Variants in ENGASE observed in about 807,000 individuals in gnomAD.
The protein encoded by ENGASE is endo-beta-N-acetylglucosaminidase.
Under a neutral mutation model 78.5 loss-of-function variants are expected in ENGASE, and 69 were observed. The observed-to-expected ratio is 0.88, with a 90% CI of 0.72 to 1.07. The LOEUF is 1.07. Ranked by LOEUF, ENGASE falls within the 50% of genes least tolerant of loss-of-function variation. The probability of loss-of-function intolerance (pLI) is 0.00; values close to 1 mark genes in which losing one functional copy is unlikely to be tolerated. For synonymous variants in ENGASE, 408 were observed against 408.9 expected (o/e 1.00, Z 0.03); for missense variants, 943 against 988.4 (o/e 0.95, Z 0.62).
chr17:79,086,933 C>T lies in ENGASE; in HGVS notation c.*584C>T, dbSNP rs369297867. On this transcript the variant is annotated 3_prime_UTR_variant, in exon 14 of 14. Coordinates refer to ENST00000579016, the MANE Select transcript of ENGASE (RefSeq NM_001042573.3). ...TGAGGAGTGGGCATTCTGGGCCAGC[C>T]GGCGCTGGCTTCGTGCCTCCACGTG... 15 of 471,292 alleles carry T rather than the reference C, an allele frequency of 3.2e-5. No individual in the cohort carries two copies. The highest frequency in any genetic ancestry group is 3.8e-5 in the Non-Finnish European group (9 of 235,950). The allele number at this position is 471,292 out of a possible 1,614,324, so 29.2% of individuals were successfully genotyped here.
chr17:79,081,403 G>A (rs1267374859), intron 6 of ENGASE, among the ~76,000 whole-genome samples: 4 of 152,172 alleles, frequency 2.6e-5, no homozygotes, highest in African/African-American at 9.7e-5. Context: ...TCGGGAGGCT[G>A]AGGCAGGAGA....
At position 79,080,208 on chromosome 17, in the gene ENGASE, G is replaced by A. The variant is rs772272593; in HGVS notation, c.567G>A (p.Gly189=). The change falls in exon 5 of 14, where the codon GGG becomes GGA. Residue 189 remains glycine (G), a splice_region_variant and synonymous_variant. Transcript: ENST00000579016. ...TAHRHGVCVL[G]TFITEWNEGG... ...CTTGTTTCTCTCCTATCCTCACAGG[G>A]ACTTTCATCACGGAGTGGAATGAAG... 2 of 1,594,930 alleles carry A rather than the reference G, an allele frequency of 1.3e-6. No homozygotes were observed. The highest frequency in any genetic ancestry group is 2.3e-5 in the East Asian group (1 of 44,298).
In ENGASE at chr17:79,086,373, T is replaced by C. The variant is rs769651512; in HGVS notation, c.*24T>C. 2 of 1,593,038 alleles carry C rather than the reference T, an allele frequency of 1.3e-6. No individual in the cohort carries two copies. Among genetic ancestry groups the C allele is most frequent in the South Asian group, 2.3e-5 (2 of 88,736 alleles). On this transcript the variant is annotated 3_prime_UTR_variant, in exon 14 of 14. Coordinates refer to ENST00000579016, the MANE Select transcript of ENGASE (RefSeq NM_001042573.3). ...GAGCGGATGCTAAGGCCGGGTGGTCTCCTGGCCTCGGGCTGAGGCCTCTTC... is the reference window on the plus strand; with the variant it reads ...GAGCGGATGCTAAGGCCGGGTGGTCCCCTGGCCTCGGGCTGAGGCCTCTTC...
At chr17:79,075,155 G>A (rs1222751847) in intron 1 of ENGASE, 65 bp downstream of exon 1, 2 of 1,194,964 alleles carry the variant, frequency 1.7e-6, no homozygotes, top group African/African-American at 1.6e-5. Context: ...CCCGGGGCCC[G>A]AGGTTTCCCG....
At position 79,076,923 on chromosome 17, in the gene ENGASE, AGTGTAGTG is replaced by A. The variant is rs567628418; in HGVS notation, c.147-505_147-498del. 7.3e-4 allele frequency among the ~76,000 whole-genome samples: 111 copies of A among 152,064 alleles called. 1 individual carries two copies. Among genetic ancestry groups the A allele is most frequent in the African/African-American group, 2.7e-3 (110 of 41,462 alleles). On this transcript the variant is annotated intron_variant, in intron 1 of 13. Coordinates refer to ENST00000579016, the MANE Select transcript of ENGASE (RefSeq NM_001042573.3). ...AGTCTCGTTCTGTTGCCCAAGTTGG[AGTGTAGTG>A]GCACAGTCCCGGCTCACTGCAACCT...
Position 79,086,611 on chromosome 17 carries a change from G to C in ENGASE, c.*262G>C. On this transcript the variant is annotated 3_prime_UTR_variant, in exon 14 of 14. Transcript: ENST00000579016. ...CTGTTTCTGCCTTGTCCCTCCCCAC[G>C]GTACCTGGTTCCCAGGTGAAAATGA... The C allele has an allele frequency of 1.8e-6, 1 of 559,636 alleles. No homozygotes were observed. Among genetic ancestry groups the C allele is most frequent in the Non-Finnish European group, 3.2e-6 (1 of 313,070 alleles). 34.7% of individuals were successfully genotyped at this position (559,636 alleles called of 1,614,324 possible).
rs1568094332 is a variant in ENGASE at position 79,085,295 on chromosome 17, ATGGG to A, written c.1658_1661del (p.Val553AlafsTer7). ...GGGTGCCCCCCACCAAGCTGGCCAG[ATGGG>A]TGGGCCGCTGCGGCCGGCAGCTGAG... is the stretch of plus-strand genomic sequence containing the variant. On this transcript the variant is annotated frameshift_variant, in exon 12 of 14. Transcript: ENST00000579016. LOFTEE classifies it high-confidence loss of function. 1.2e-6 allele frequency: 2 copies of A among 1,613,152 alleles called. No homozygotes were observed. Among genetic ancestry groups the A allele is most frequent in the Non-Finnish European group, 1.7e-6 (2 of 1,179,858 alleles).
intron 1 of ENGASE, chr17:79,075,698 A>C: frequency 4.1e-6 from 4 of 985,436 alleles, no homozygotes; most frequent in Non-Finnish European, 4.8e-6. Flanking sequence ...CAGGGGGAGA[A>C]GTTAGGAGCA....
chr17:79,077,676 C>A lies in ENGASE; in HGVS notation c.228C>A (p.Asp76Glu). The change falls in exon 3 of 14, where the codon GAC (aspartate) becomes GAA (glutamate). Residue 76 changes from aspartate to glutamate, a missense_variant. Physicochemically the swap from Asp to Glu is conservative, Grantham distance 45. Coordinates refer to ENST00000579016, the MANE Select transcript of ENGASE (RefSeq NM_001042573.3). The stretch of plus-strand genomic sequence containing the variant: ...TCCTCGGACCAGTTAGATATTATGA[C>A]AAGGACACCACCAAACCAATCAGCT... ...SPDPLPVRYYDKDTTKPISFY... is the reference protein window; with the variant it reads ...SPDPLPVRYYEKDTTKPISFY... 1 of 1,614,224 alleles carries A rather than the reference C, an allele frequency of 6.2e-7. No homozygotes were observed.
Position 79,084,604 on chromosome 17 carries a change from G to A in ENGASE, c.1509G>A (p.Gly503=). ...IYLSMVYKLE[G]PTDVTVALEL... ...TGTCCATGGTGTATAAGCTTGAGGG[G>A]CCCACGGACGTCACAGTTGCTTTGG... The change falls in exon 11 of 14, where the codon GGG becomes GGA. Residue 503 remains glycine, a synonymous_variant. Transcript: ENST00000579016. The A allele has an allele frequency of 6.2e-7, 1 of 1,611,538 alleles. No homozygotes were observed. The highest frequency in any genetic ancestry group is 1.1e-5 in the South Asian group (1 of 90,698).
chr17:79,083,585 G>T lies in ENGASE; in HGVS notation c.1246G>T (p.Gly416Cys). ...CATGGGTGCACGGAGGGTCTGCTAT[G>T]GCCAGGTGGGTGGGTGTCTTCCCTC... ...LGMGARRVCYGQEEAVGPWYH... is the reference protein window; with the variant it reads ...LGMGARRVCYCQEEAVGPWYH... Residue 416 changes from glycine to cysteine, a missense_variant, in exon 9 of 14, where the codon GGC becomes TGC. Coordinates refer to ENST00000579016, the MANE Select transcript of ENGASE (RefSeq NM_001042573.3). The surrounding 1 kb of genome is among the most constrained non-coding windows in gnomAD (Gnocchi z 4.9). The T allele has an allele frequency of 6.2e-7, 1 of 1,613,694 alleles. No individual in the cohort carries two copies. The highest frequency in any genetic ancestry group is 8.5e-7 in the Non-Finnish European group (1 of 1,179,632).
At chr17:79,079,086 A>G (rs1188321085) in intron 3 of ENGASE, among the ~76,000 whole-genome samples, 1 of 152,214 alleles carries the variant, frequency 6.6e-6, no homozygotes, top group African/African-American at 2.4e-5. Flanking sequence ...TCTTGACTGA[A>G]TGGAACTAAA....
Position 79,083,266 on chromosome 17 carries a change from C to A in ENGASE, c.1142+143C>A. On this transcript the variant is annotated intron_variant, in intron 8 of 13. Transcript: ENST00000579016. The surrounding 1 kb of genome is among the most constrained non-coding windows in gnomAD (Gnocchi z 4.9). ...GGAGGATGACAGGGGAGGAAGCCAG[C>A]ACCCTGGCTGCTTCCGGGCAGGGAC... 2.7e-6 allele frequency: 2 copies of A among 751,176 alleles called. No homozygotes were observed. The highest frequency in any genetic ancestry group is 2.2e-6 in the Non-Finnish European group (1 of 462,956). The allele number at this position is 751,176 out of a possible 1,614,324, so 46.5% of individuals were successfully genotyped here.
intron 7 of ENGASE, 184 bp from the exon 8 acceptor site, chr17:79,082,836 C>A (rs745487515): frequency 5.2e-6 from 8 of 1,532,798 alleles, no homozygotes; most frequent in Non-Finnish European, 7.0e-6. Flanking sequence ...CCTCTTCTGG[C>A]GGGCTTGTGG....
rs942094089 is a variant in ENGASE at position 79,087,094 on chromosome 17, G to A, written c.*745G>A. 6.1e-5 allele frequency: 28 copies of A among 458,252 alleles called. No individual in the cohort carries two copies. Among genetic ancestry groups the A allele is most frequent in the Non-Finnish European group, 1.0e-4 (23 of 227,836 alleles). 28.4% of individuals were successfully genotyped at this position (458,252 alleles called of 1,614,324 possible). The stretch of plus-strand genomic sequence containing the variant: ...CCGGGCTGTGGGCATGCAGGGAAGT[G>A]GCTCTGAGGCAGTCTGCGCTGTGGC... On this transcript the variant is annotated 3_prime_UTR_variant, in exon 14 of 14. Coordinates refer to ENST00000579016, the MANE Select transcript of ENGASE (RefSeq NM_001042573.3).
At position 79,083,119 on chromosome 17, in the gene ENGASE, G is replaced by T; in HGVS notation, c.1138G>T (p.Asp380Tyr). The change falls in exon 8 of 14, where the codon GAC (aspartate) becomes TAC (tyrosine). Residue 380 changes from aspartate (D) to tyrosine (Y), a missense_variant. Physicochemically the swap from Asp to Tyr is radical, Grantham distance 160. Transcript: ENST00000579016. This position sits in a 1 kb window ranked among gnomAD's most constrained non-coding sequence, Gnocchi z 4.9. ...GAAGAAGGATTTCTTCCAGAACCAG[G>T]ACAAGTGAGTCCTGCTGTCCTGGGT... ...LEKKDFFQNQ[D>Y]KFWGRLERYL... 1.2e-6 allele frequency: 2 copies of T among 1,611,918 alleles called. No individual in the cohort carries two copies. Among genetic ancestry groups the T allele is most frequent in the Non-Finnish European group, 1.7e-6 (2 of 1,178,320 alleles).
chr17:79,086,953 C>A lies in ENGASE; in HGVS notation c.*604C>A. 1 of 490,874 alleles carries A rather than the reference C, an allele frequency of 2.0e-6. No homozygotes were observed. Among genetic ancestry groups the A allele is most frequent in the East Asian group, 6.0e-5 (1 of 16,744 alleles). 30.4% of individuals were successfully genotyped at this position (490,874 alleles called of 1,614,324 possible). A position where few individuals can be genotyped will look rare whatever the true frequency, so the allele number is the denominator to read the frequency against. On this transcript the variant is annotated 3_prime_UTR_variant, in exon 14 of 14. Transcript: ENST00000579016. ...CCAGCCGGCGCTGGCTTCGTGCCTC[C>A]ACGTGGGCCAGCCCCAGCTGCTCCG...
chr17:79,079,049 G>A (rs905487849), intron 3 of ENGASE, among the ~76,000 whole-genome samples: 1 of 152,214 alleles, frequency 6.6e-6, no homozygotes, highest in Non-Finnish European at 1.5e-5. Flanking sequence ...CCTGCACCTT[G>A]CCTGGACACA....
rs768901173 is a variant in ENGASE at position 79,077,845 on chromosome 17, G to A, written c.397G>A (p.Gly133Ser). Residue 133 changes from glycine to serine, a missense_variant, in exon 3 of 14, where the codon GGC becomes AGC. By Grantham distance (56) the Gly-to-Ser change is moderately conservative. Coordinates refer to ENST00000579016, the MANE Select transcript of ENGASE (RefSeq NM_001042573.3). ...GACTTTGTTGTGTCATGACATGATGGGCGGGTACCTGGATGACAGGTGAGG... is the reference window on the plus strand; with the variant it reads ...GACTTTGTTGTGTCATGACATGATGAGCGGGTACCTGGATGACAGGTGAGG... ...PRTLLCHDMMGGYLDDRFIQG... is the reference protein window; with the variant it reads ...PRTLLCHDMMSGYLDDRFIQG... 3.1e-6 allele frequency: 5 copies of A among 1,613,540 alleles called. No individual in the cohort carries two copies. Among genetic ancestry groups the A allele is most frequent in the Non-Finnish European group, 4.2e-6 (5 of 1,179,944 alleles).
Sources: allele counts gnomAD v4.1 joint callset (sites outside exome capture counted in the v4.1 genomes callset), GRCh38; gene constraint gnomAD v4.1.1; non-coding constraint Gnocchi (gnomAD v3.1); transcripts MANE v1.5; gene names NCBI Gene and HGNC (gene_info 2026-07-23, HGNC 2026-07-21).